Variants in KAZN observed in about 807,000 individuals in gnomAD.
KAZN encodes the protein kazrin, periplakin interacting protein, also known as kazrin.
Under a neutral mutation model 87.4 loss-of-function variants are expected in KAZN, and 40 were observed. That is an observed-to-expected ratio of 0.46 (90% CI 0.36 to 0.60). KAZN has a LOEUF of 0.60. Among genes scored for constraint, KAZN ranks in the 20% least tolerant of loss-of-function variants. The pLI is 0.00. For synonymous variants in KAZN, 466 were observed against 458.3 expected, an observed-to-expected ratio of 1.02 and a Z score of -0.22; for missense variants, 898 against 1,073.9, an observed-to-expected ratio of 0.84 and a Z score of 2.29.
chr1:13,926,569 A>G (rs1400462587), intron 1 of KAZN, among the ~76,000 whole-genome samples: 1 of 152,070 alleles, frequency 6.6e-6, no homozygotes, highest in East Asian at 1.9e-4. Context: ...TCCTGATTAC[A>G]GTGAAGCTTA....
intron 2 of KAZN, among the ~76,000 whole-genome samples, chr1:14,299,481 C>T (rs373720087): frequency 1.1e-4 from 16 of 151,940 alleles, no homozygotes; most frequent in Admixed American, 5.2e-4. Flanking sequence ...CCAGACTGGG[C>T]GACAGAGCAA....
At chr1:14,405,063 G>A (rs1160405740) in intron 2 of KAZN, among the ~76,000 whole-genome samples, 1 of 152,178 alleles carries the variant, frequency 6.6e-6, no homozygotes, top group Non-Finnish European at 1.5e-5. Context: ...GGGGGGTAGG[G>A]GGATAGCAGT....
Position 14,053,419 on chromosome 1 carries a change from C to T in KAZN, c.92-127016C>T, listed in dbSNP as rs141263228. 4.2e-4 allele frequency among the ~76,000 whole-genome samples: 64 copies of T among 152,248 alleles called. No individual in the cohort carries two copies. In the East Asian group the frequency reaches 9.3e-3, roughly 22 times the overall value. ...AGCTAAGCCACACCTGGACTCCTGA[C>T]CTACAGAACTGTGCAATAATGGATG... On this transcript the variant is annotated intron_variant, in intron 1 of 16. Coordinates refer to the KAZN transcript ENST00000636203.
intron 1 of KAZN, among the ~76,000 whole-genome samples, chr1:14,930,994 A>G (rs1659748928): frequency 6.6e-6 from 1 of 152,124 alleles, no homozygotes; most frequent in African/African-American, 2.4e-5. Context: ...GAAATCTAGA[A>G]TGCAGAGCCC....
intron 1 of KAZN, among the ~76,000 whole-genome samples, chr1:14,678,874 T>C (rs972220905): frequency 6.6e-6 from 1 of 152,148 alleles, no homozygotes; most frequent in Non-Finnish European, 1.5e-5. Context: ...GATGGGGATA[T>C]AATAGGACCG....
At chr1:14,530,250 C>T in intron 2 of KAZN, among the ~76,000 whole-genome samples, 1 of 152,182 alleles carries the variant, frequency 6.6e-6, no homozygotes, top group East Asian at 1.9e-4. Context: ...AAAAACTTAA[C>T]ACCCAAAGCA....
intron 4 of KAZN, among the ~76,000 whole-genome samples, chr1:15,053,378 A>G (rs1163295818): frequency 6.6e-6 from 1 of 152,192 alleles, no homozygotes; most frequent in Non-Finnish European, 1.5e-5. Flanking sequence ...TCCTTAAACA[A>G]AAAAGTTACC....
At chr1:14,516,042 T>A (rs1267800518) in intron 2 of KAZN, among the ~76,000 whole-genome samples, 1 of 152,184 alleles carries the variant, frequency 6.6e-6, no homozygotes, top group East Asian at 1.9e-4. Flanking sequence ...ATTAGTAAGA[T>A]GGTACTCCAA....
At position 14,978,401 on chromosome 1, in the gene KAZN, G is replaced by C. The variant is rs576898790; in HGVS notation, c.418+17526G>C. Among the ~76,000 whole-genome samples, 75 of 152,312 alleles carry C rather than the reference G, an allele frequency of 4.9e-4. No homozygotes were observed. In the Middle Eastern group the frequency reaches 0.014, roughly 28 times the overall value. ...TTGTCAAAAGCATCCGGCAGCTTGA[G>C]GGATGTGATGGTGGGGAGGAGGGTC... On this transcript the variant is annotated intron_variant, in intron 2 of 14. Transcript: ENST00000376030.
chr1:14,262,346 T>C (rs537921246), intron 2 of KAZN, among the ~76,000 whole-genome samples: 54 of 152,198 alleles, frequency 3.5e-4, no homozygotes, highest in Non-Finnish European at 6.0e-4. Flanking sequence ...ATGACTAAAA[T>C]TGGTAAAAGC....
chr1:14,578,300 C>T (rs1675316286), intron 2 of KAZN, among the ~76,000 whole-genome samples: 1 of 152,066 alleles, frequency 6.6e-6, no homozygotes. Flanking sequence ...TTACACTAGC[C>T]TTTACCAACT....
chr1:13,982,129 G>C (rs951671791), intron 1 of KAZN, among the ~76,000 whole-genome samples: 1 of 152,186 alleles, frequency 6.6e-6, no homozygotes, highest in Admixed American at 6.5e-5. Flanking sequence ...CTCCAGTCCG[G>C]CCAGGGCCTG....
intron 2 of KAZN, among the ~76,000 whole-genome samples, chr1:14,232,585 T>C (rs1408193613): frequency 6.6e-6 from 1 of 152,146 alleles, no homozygotes; most frequent in Non-Finnish European, 1.5e-5. Flanking sequence ...TAGCTCCTTA[T>C]CCCAGCTGAT....
intron 1 of KAZN, among the ~76,000 whole-genome samples, chr1:14,780,136 T>C (rs1488045673): frequency 6.6e-6 from 1 of 152,258 alleles, no homozygotes; most frequent in Non-Finnish European, 1.5e-5. Context: ...AGAACCAATT[T>C]TGAGCTAAAC....
At chr1:14,469,986 C>G (rs1668367878) in intron 2 of KAZN, among the ~76,000 whole-genome samples, 2 of 152,100 alleles carry the variant, frequency 1.3e-5, no homozygotes, top group African/African-American at 4.8e-5. Context: ...TGCATTGATA[C>G]AGCGAACACT....
chr1:14,334,908 G>C (rs1243233951), intron 2 of KAZN, among the ~76,000 whole-genome samples: 2 of 149,946 alleles, frequency 1.3e-5, no homozygotes, highest in Non-Finnish European at 2.9e-5. Flanking sequence ...CAAACTCAGA[G>C]AGAAATAGAG....
chr1:14,351,481 C>T (rs537688475), intron 2 of KAZN, among the ~76,000 whole-genome samples: 1 of 152,282 alleles, frequency 6.6e-6, no homozygotes, highest in South Asian at 2.1e-4. Flanking sequence ...ATTGCTTGAA[C>T]CCGGGAGGAG....
chr1:14,388,202 G>A (rs544298175), intron 2 of KAZN, among the ~76,000 whole-genome samples: 1 of 152,300 alleles, frequency 6.6e-6, no homozygotes, highest in African/African-American at 2.4e-5. Flanking sequence ...CCCCTGACCT[G>A]CGCCCACTGT....
chr1:14,519,911 C>T (rs1175855974), intron 2 of KAZN, among the ~76,000 whole-genome samples: 3 of 152,082 alleles, frequency 2.0e-5, no homozygotes, highest in African/African-American at 4.8e-5. Flanking sequence ...ATAGAGTGTC[C>T]TCAGGCACCC....
Sources: gnomAD v4.1 joint callset for allele counts (sites outside exome capture counted in the v4.1 genomes callset) on GRCh38, gnomAD v4.1.1 for gene constraint, MANE v1.5 for transcripts, NCBI Gene and HGNC (gene_info 2026-07-23, HGNC 2026-07-21) for gene names.